ST6GALNAC3: variants seen among roughly 807,000 people sequenced by gnomAD.
ST6GALNAC3 encodes alpha-N-acetylgalactosaminide alpha-2,6-sialyltransferase 3.
In ST6GALNAC3, 25 loss-of-function variants were observed where a neutral mutation model predicts 32.7. That is an observed-to-expected ratio of 0.76 (90% confidence interval 0.56 to 1.07). The LOEUF is 1.07. ST6GALNAC3 is among the 50% of genes least tolerant of loss of function. The pLI is 0.00. For missense variants in ST6GALNAC3, 355 were observed against 382.4 expected (o/e 0.93, Z 0.60); for synonymous variants, 129 against 133.1 (o/e 0.97, Z 0.21).
chr1:76,255,553 A>C (rs2100711100), intron 1 of ST6GALNAC3, among the ~76,000 whole-genome samples: 1 of 152,192 alleles, frequency 6.6e-6, no homozygotes, highest in East Asian at 1.9e-4. Flanking sequence ...CCTTGCGTAT[A>C]TTTTGTTCAG....
At chr1:76,322,469 G>T (rs1646985596) in intron 2 of ST6GALNAC3, among the ~76,000 whole-genome samples, 1 of 152,198 alleles carries the variant, frequency 6.6e-6, no homozygotes, top group Non-Finnish European at 1.5e-5. Context: ...GAAGGTGTTT[G>T]CATTGCAGCC....
chr1:76,205,510 G>A (rs551962414), intron 1 of ST6GALNAC3, among the ~76,000 whole-genome samples: 10 of 152,214 alleles, frequency 6.6e-5, no homozygotes, highest in African/African-American at 1.7e-4. Flanking sequence ...GAGAGGAAAT[G>A]GATCAGTGAC....
chr1:76,599,450 C>T (rs1647185910), intron 3 of ST6GALNAC3, among the ~76,000 whole-genome samples: 1 of 151,436 alleles, frequency 6.6e-6, no homozygotes, highest in African/African-American at 2.4e-5. Flanking sequence ...CCTCCCCTTG[C>T]CCCCCACCCT....
At chr1:76,302,600 A>T (rs138928589) in intron 1 of ST6GALNAC3, among the ~76,000 whole-genome samples, 52 of 152,196 alleles carry the variant, frequency 3.4e-4, no homozygotes, top group African/African-American at 1.2e-3. Context: ...AATAAAAGCT[A>T]ACATTTACTT....
intron 3 of ST6GALNAC3, among the ~76,000 whole-genome samples, chr1:76,597,880 C>G (rs1647162929): frequency 6.6e-6 from 1 of 152,104 alleles, no homozygotes. Flanking sequence ...GATGTCTCCT[C>G]TCCGCCAGGC....
chr1:76,515,591 A>G (rs972164666), intron 3 of ST6GALNAC3, among the ~76,000 whole-genome samples: 3 of 152,146 alleles, frequency 2.0e-5, no homozygotes, highest in African/African-American at 4.8e-5. Context: ...GCTGTGTTCC[A>G]TAAGTTTTGG....
intron 1 of ST6GALNAC3, among the ~76,000 whole-genome samples, chr1:76,113,231 C>T (rs945490837): frequency 5.3e-5 from 8 of 151,662 alleles, no homozygotes; most frequent in African/African-American, 1.7e-4. Context: ...CGCAGGCACT[C>T]GGCAGGCTGA....
At chr1:76,462,575 G>A (rs1658353422) in intron 3 of ST6GALNAC3, among the ~76,000 whole-genome samples, 1 of 151,940 alleles carries the variant, frequency 6.6e-6, no homozygotes, top group African/African-American at 2.4e-5. Context: ...TTCTCAGCAT[G>A]CATGGCACAT....
intron 1 of ST6GALNAC3, among the ~76,000 whole-genome samples, chr1:76,115,406 C>G (rs981001416): frequency 6.6e-6 from 1 of 152,140 alleles, no homozygotes; most frequent in South Asian, 2.1e-4. Flanking sequence ...TTTAAATTTA[C>G]TACATGCCAA....
chr1:76,100,610 A>G (rs1347056127), intron 1 of ST6GALNAC3, among the ~76,000 whole-genome samples: 4 of 152,174 alleles, frequency 2.6e-5, no homozygotes, highest in Admixed American at 2.0e-4. Flanking sequence ...TTTTGCCTCT[A>G]TGTTCATTAA....
rs114144191 is a variant in ST6GALNAC3 at position 76,444,212 on chromosome 1, G to T, written c.623+31795G>T. Among the ~76,000 whole-genome samples the T allele has an allele frequency of 9.4e-3, 1,437 of 152,300 alleles. 26 individuals carry two copies. The highest frequency in any genetic ancestry group is 0.033 in the African/African-American group (1,362 of 41,570). On this transcript the variant is annotated intron_variant, in intron 3 of 4. Coordinates refer to ENST00000328299, the MANE Select transcript of ST6GALNAC3 (RefSeq NM_152996.4). ...CTTCCACATTTATCTTTCTAAAAGT[G>T]CACCAAACTATAGAGCCTCAGAGTT...
At chr1:76,141,894 A>G (rs1203895393) in intron 1 of ST6GALNAC3, among the ~76,000 whole-genome samples, 1 of 152,222 alleles carries the variant, frequency 6.6e-6, no homozygotes, top group Non-Finnish European at 1.5e-5. Context: ...GCTTCGGTTT[A>G]GGTTTCAATA....
At chr1:76,393,004 A>G (rs752360024) in intron 2 of ST6GALNAC3, among the ~76,000 whole-genome samples, 9 of 152,136 alleles carry the variant, frequency 5.9e-5, no homozygotes, top group Admixed American at 1.3e-4. Context: ...TGCATGCATT[A>G]TACACTTCAC....
intron 3 of ST6GALNAC3, among the ~76,000 whole-genome samples, chr1:76,416,917 C>T (rs756078115): frequency 1.3e-4 from 20 of 152,104 alleles, no homozygotes; most frequent in African/African-American, 2.7e-4. Flanking sequence ...TGAGCCACCA[C>T]GCCCGGCCAG....
chr1:76,168,513 G>A (rs982800564), intron 1 of ST6GALNAC3, among the ~76,000 whole-genome samples: 1 of 152,192 alleles, frequency 6.6e-6, no homozygotes. Context: ...TTCTGGTCCT[G>A]AATATCTTTG....
intron 3 of ST6GALNAC3, among the ~76,000 whole-genome samples, chr1:76,456,030 C>T (rs1657758266): frequency 6.6e-6 from 1 of 152,002 alleles, no homozygotes; most frequent in African/African-American, 2.4e-5. Flanking sequence ...ACCAAAAATA[C>T]AGAAGTTATT....
intron 1 of ST6GALNAC3, among the ~76,000 whole-genome samples, chr1:76,091,686 T>C (rs1647048262): frequency 6.6e-6 from 1 of 152,246 alleles, no homozygotes; most frequent in Admixed American, 6.5e-5. Flanking sequence ...ACACAGATAC[T>C]TACCATTGTG....
At chr1:76,205,525 C>T (rs1328809298) in intron 1 of ST6GALNAC3, among the ~76,000 whole-genome samples, 4 of 152,118 alleles carry the variant, frequency 2.6e-5, no homozygotes, top group African/African-American at 4.8e-5. Flanking sequence ...AGTGACATTC[C>T]AGCTGGACAC....
At chr1:76,512,511 C>T (rs570708515) in intron 3 of ST6GALNAC3, among the ~76,000 whole-genome samples, 1 of 152,210 alleles carries the variant, frequency 6.6e-6, no homozygotes, top group South Asian at 2.1e-4. Context: ...TTTTGATACA[C>T]ATATGTTGTA....
Sources: allele counts gnomAD v4.1 joint callset (sites outside exome capture counted in the v4.1 genomes callset), GRCh38; gene constraint gnomAD v4.1.1; transcripts MANE v1.5; gene names NCBI Gene and HGNC (gene_info 2026-07-23, HGNC 2026-07-21).